Variants in CADPS2 observed in about 807,000 individuals in gnomAD.
The protein encoded by CADPS2 is calcium dependent secretion activator 2, also known as calcium-dependent secretion activator 2.
CADPS2 carries 93 observed loss-of-function variants against 172.5 expected under a neutral mutation model. The observed-to-expected ratio is 0.54, with a 90% CI of 0.46 to 0.64. The LOEUF (loss-of-function observed/expected upper bound fraction) is 0.64. CADPS2 is among the 30% of genes least tolerant of loss of function. The probability of loss-of-function intolerance (pLI) is 0.00; values close to 1 mark genes in which losing one functional copy is unlikely to be tolerated. For missense variants in CADPS2, 1,420 were observed against 1,565.9 expected (o/e 0.91, Z 1.57); for synonymous variants, 546 against 555.2 (o/e 0.98, Z 0.23).
At chr7:122,435,349 G>C (rs1275529583) in intron 17 of CADPS2, among the ~76,000 whole-genome samples, 6 of 152,010 alleles carry the variant, frequency 3.9e-5, no homozygotes, top group African/African-American at 1.4e-4. Context: ...AAAAGAAACT[G>C]AATAGACATT....
At chr7:122,365,689 C>T (rs762391935) in intron 25 of CADPS2, among the ~76,000 whole-genome samples, 1 of 152,158 alleles carries the variant, frequency 6.6e-6, no homozygotes, top group African/African-American at 2.4e-5. Context: ...TTGCCCTGCT[C>T]TTTATTACTG....
chr7:122,866,386 G>A (rs1235886379), intron 1 of CADPS2, among the ~76,000 whole-genome samples: 1 of 152,072 alleles, frequency 6.6e-6, no homozygotes, highest in Non-Finnish European at 1.5e-5. Flanking sequence ...CTAAGAGGGT[G>A]CCTTAAATTC....
At chr7:122,607,085 C>A (rs1316261976) in intron 6 of CADPS2, among the ~76,000 whole-genome samples, 1 of 152,070 alleles carries the variant, frequency 6.6e-6, no homozygotes, top group Non-Finnish European at 1.5e-5. Flanking sequence ...CCCCTTCCTA[C>A]CAACTGCAAT....
intron 7 of CADPS2, among the ~76,000 whole-genome samples, chr7:122,579,126 T>C (rs947124626): frequency 6.6e-6 from 1 of 152,052 alleles, no homozygotes; most frequent in African/African-American, 2.4e-5. Context: ...AATTTGTAAG[T>C]CATTAGATAC....
intron 2 of CADPS2, among the ~76,000 whole-genome samples, chr7:122,686,151 T>A (rs2083587341): frequency 6.6e-6 from 1 of 152,220 alleles, no homozygotes; most frequent in Non-Finnish European, 1.5e-5. Context: ...AAACTGTTCA[T>A]ACTTTTCAGT....
chr7:122,666,082 G>A (rs2081165207), intron 2 of CADPS2, among the ~76,000 whole-genome samples: 1 of 151,972 alleles, frequency 6.6e-6, no homozygotes, highest in South Asian at 2.1e-4. Context: ...TACATAAATT[G>A]TATATTTATA....
chr7:122,528,083 A>G (rs1312715121), intron 8 of CADPS2, among the ~76,000 whole-genome samples: 1 of 146,550 alleles, frequency 6.8e-6, no homozygotes, highest in African/African-American at 2.5e-5. Flanking sequence ...CTTTGTAACT[A>G]TAAAACACAA....
chr7:122,685,196 C>G (rs1202964480), intron 2 of CADPS2, among the ~76,000 whole-genome samples: 1 of 152,126 alleles, frequency 6.6e-6, no homozygotes, highest in Non-Finnish European at 1.5e-5. Context: ...CCATCACCAC[C>G]ACTAAAGTGA....
intron 1 of CADPS2, among the ~76,000 whole-genome samples, chr7:122,808,652 C>T (rs1389685523): frequency 6.6e-6 from 1 of 152,182 alleles, no homozygotes. Context: ...TCAGATATCT[C>T]TGAACAGAGG....
At chr7:122,785,790 C>T (rs1793888255) in intron 1 of CADPS2, among the ~76,000 whole-genome samples, 1 of 152,008 alleles carries the variant, frequency 6.6e-6, no homozygotes, top group African/African-American at 2.4e-5. Flanking sequence ...CCTGAGGTTC[C>T]AACACTATTC....
intron 1 of CADPS2, among the ~76,000 whole-genome samples, chr7:122,766,335 G>T (rs1194253530): frequency 1.3e-5 from 2 of 152,082 alleles, no homozygotes; most frequent in Non-Finnish European, 2.9e-5. Flanking sequence ...ACACACAATA[G>T]GTAGAAGGTT....
intron 1 of CADPS2, among the ~76,000 whole-genome samples, chr7:122,833,916 T>C (rs1002520263): frequency 4.6e-5 from 7 of 152,096 alleles, no homozygotes; most frequent in East Asian, 1.9e-4. Context: ...GACATAACAA[T>C]TGCTATAAGA....
intron 8 of CADPS2, among the ~76,000 whole-genome samples, chr7:122,545,494 G>A (rs2063533429): frequency 6.6e-6 from 1 of 152,140 alleles, no homozygotes; most frequent in Admixed American, 6.6e-5. Flanking sequence ...GAATCTGAAT[G>A]CTAGCTTAAA....
intron 15 of CADPS2, among the ~76,000 whole-genome samples, chr7:122,448,656 G>A (rs2052626294): frequency 6.6e-6 from 1 of 152,142 alleles, no homozygotes; most frequent in African/African-American, 2.4e-5. Flanking sequence ...GAGTGGCTCT[G>A]ATTAGTCTAA....
At chr7:122,798,102 G>A (rs561320615) in intron 1 of CADPS2, among the ~76,000 whole-genome samples, 2 of 150,242 alleles carry the variant, frequency 1.3e-5, no homozygotes, top group African/African-American at 4.9e-5. Flanking sequence ...TGCAGTTGTT[G>A]CATTAAAAAA....
chr7:122,796,554 A>G (rs1796415423), intron 1 of CADPS2, among the ~76,000 whole-genome samples: 1 of 152,154 alleles, frequency 6.6e-6, no homozygotes, highest in African/African-American at 2.4e-5. Flanking sequence ...GCCCAGAAAT[A>G]AGGCTGCACA....
intron 1 of CADPS2, among the ~76,000 whole-genome samples, chr7:122,767,626 TTCTC>T (rs1415897288): frequency 6.6e-6 from 1 of 152,094 alleles, no homozygotes. Flanking sequence ...CTTTGTGCCT[TTCTC>T]TCACTCCCCG....
chr7:122,817,969 C>T (rs976442452), intron 1 of CADPS2, among the ~76,000 whole-genome samples: 15 of 150,150 alleles, frequency 1.0e-4, no homozygotes, highest in Non-Finnish European at 2.1e-4. Flanking sequence ...TATTTCCGTG[C>T]CCTGACCCCT....
chr7:122,525,050 G>C lies in CADPS2; in HGVS notation c.1476-11735C>G, dbSNP rs984377649. 9.9e-5 allele frequency among the ~76,000 whole-genome samples: 15 copies of C among 151,822 alleles called. No homozygotes were observed. In the East Asian group the frequency reaches 1.6e-3, roughly 16 times the overall value. On this transcript the variant is annotated intron_variant, in intron 8 of 29. Transcript: ENST00000449022. ...GCTGCTCAGGAGGCTGAGGTGGGAG[G>C]AATCACCTGAGCCTAGGAGGTCCAG...
Sources: allele counts gnomAD v4.1 joint callset (sites outside exome capture counted in the v4.1 genomes callset), GRCh38; gene constraint gnomAD v4.1.1; transcripts MANE v1.5; gene names NCBI Gene and HGNC (gene_info 2026-07-23, HGNC 2026-07-21).